Variants in UGT2B7 observed in about 807,000 individuals in gnomAD.
UGT2B7 encodes UDP-glucuronosyltransferase 2B7.
Under a neutral mutation model 51.9 loss-of-function variants are expected in UGT2B7, and 51 were observed. The observed-to-expected ratio is 0.98, with a 90% CI of 0.78 to 1.24. UGT2B7 has a LOEUF of 1.24. UGT2B7 is among the 50% of genes most tolerant of loss of function. The probability of loss-of-function intolerance (pLI) is 0.00; values close to 1 mark genes in which losing one functional copy is unlikely to be tolerated. For synonymous variants in UGT2B7, 225 were observed against 211.6 expected (o/e 1.06, Z -0.55); for missense variants, 727 against 628.4 (o/e 1.16, Z -1.68).
chr4:69,108,122 T>C lies in UGT2B7; in HGVS notation c.1110T>C (p.Ala370=). The change falls in exon 5 of 6, where the codon GCT becomes GCC. Residue 370 remains alanine, a synonymous_variant. Coordinates refer to ENST00000305231, the MANE Select transcript of UGT2B7 (RefSeq NM_001074.4). The stretch of plus-strand genomic sequence containing the variant: ...TCCTAGGTCATCCAAAGACCAGAGC[T>C]TTTATAACTCATGGTGGAGCCAATG... ...NDLLGHPKTR[A]FITHGGANGI... 3.7e-6 allele frequency: 6 copies of C among 1,613,572 alleles called. No homozygotes were observed. Among genetic ancestry groups the C allele is most frequent in the Non-Finnish European group, 4.2e-6 (5 of 1,179,596 alleles).
At position 69,112,784 on chromosome 4, in the gene UGT2B7, C is replaced by T; in HGVS notation, c.*48C>T. 2 of 1,553,908 alleles carry T rather than the reference C, an allele frequency of 1.3e-6. No homozygotes were observed. Among genetic ancestry groups the T allele is most frequent in the Non-Finnish European group, 1.7e-6 (2 of 1,152,188 alleles). On this transcript the variant is annotated 3_prime_UTR_variant, in exon 6 of 6. Coordinates refer to ENST00000305231, the MANE Select transcript of UGT2B7 (RefSeq NM_001074.4). ...GAAAACCTGATAGGTGAGACTACTT[C>T]AGTTTATTCCAGCAAGAAAGATTGT...
chr4:69,074,050 A>G (rs542954999), intron 1 of UGT2B7, among the ~76,000 whole-genome samples: 1 of 152,254 alleles, frequency 6.6e-6, no homozygotes, highest in East Asian at 1.9e-4. Context: ...TACTTATTTA[A>G]AAATCTCATT....
chr4:69,073,715 T>C (rs4412058), intron 1 of UGT2B7, among the ~76,000 whole-genome samples: 65,147 of 150,244 alleles, frequency 0.43, 15,521 homozygotes, highest in African/African-American at 0.64. Flanking sequence ...GTAGCTAAGA[T>C]CAAGAAAACA....
Position 69,112,466 on chromosome 4 carries a change from G to A in UGT2B7, c.1320G>A (p.Glu440=). Residue 440 remains glutamate (E), a synonymous_variant, in exon 6 of 6, where the codon GAG becomes GAA. Coordinates refer to ENST00000305231, the MANE Select transcript of UGT2B7 (RefSeq NM_001074.4). The stretch of plus-strand genomic sequence containing the variant: ...TATTTTTATCTTTCAGATATAAAGA[G>A]AATGTTATGAAATTATCAAGAATTC... ...KRVINDPSYK[E]NVMKLSRIQH... 1 of 1,613,416 alleles carries A rather than the reference G, an allele frequency of 6.2e-7. No homozygotes were observed. Among genetic ancestry groups the A allele is most frequent in the Middle Eastern group, 1.7e-4 (1 of 6,046 alleles).
At chr4:69,090,672 T>C (rs751219152) in intron 2 of UGT2B7, among the ~76,000 whole-genome samples, 3 of 152,130 alleles carry the variant, frequency 2.0e-5, no homozygotes, top group Non-Finnish European at 4.4e-5. Flanking sequence ...ATTGTGGTAG[T>C]TATACTTCAA....
At chr4:69,080,348 G>T (rs1718807699) in intron 1 of UGT2B7, among the ~76,000 whole-genome samples, 1 of 152,072 alleles carries the variant, frequency 6.6e-6, no homozygotes, top group Non-Finnish European at 1.5e-5. Flanking sequence ...AGGAGTTTGA[G>T]ACCAGACTGG....
intron 1 of UGT2B7, among the ~76,000 whole-genome samples, chr4:69,057,698 G>A (rs887200966): frequency 6.6e-6 from 1 of 152,178 alleles, no homozygotes; most frequent in Non-Finnish European, 1.5e-5. Context: ...AAAGGTGAAT[G>A]TGCTGTGTTG....
intron 1 of UGT2B7, among the ~76,000 whole-genome samples, chr4:69,084,818 T>C (rs960928240): frequency 2.0e-5 from 3 of 152,196 alleles, no homozygotes; most frequent in Non-Finnish European, 4.4e-5. Flanking sequence ...TATAAATGCA[T>C]AGTATTTCAT....
chr4:69,106,735 T>C (rs990694678), intron 3 of UGT2B7, among the ~76,000 whole-genome samples: 3 of 152,140 alleles, frequency 2.0e-5, no homozygotes, highest in African/African-American at 7.2e-5. Context: ...GCAAGCCTTT[T>C]CTATACTACC....
chr4:69,097,982 A>G (rs1378649053), intron 1 of UGT2B7, among the ~76,000 whole-genome samples: 1 of 152,008 alleles, frequency 6.6e-6, no homozygotes, highest in South Asian at 2.1e-4. Flanking sequence ...GTACAAATAT[A>G]TTTACTTAAA....
chr4:69,057,068 A>C (rs1718220621), intron 1 of UGT2B7, among the ~76,000 whole-genome samples: 1 of 152,240 alleles, frequency 6.6e-6, no homozygotes, highest in Non-Finnish European at 1.5e-5. Flanking sequence ...GACATTGTAT[A>C]GAAGAACATG....
In UGT2B7 at chr4:69,102,948, A is replaced by C; in HGVS notation, c.1002+10A>C. On this transcript the variant is annotated intron_variant, in intron 3 of 5. Transcript: ENST00000305231. ...CCAGATCCCACAAAAGGTAAGATGA[A>C]GTGCCTTACTGGTGTGGAAAACTAC... The C allele has an allele frequency of 6.2e-7, 1 of 1,611,486 alleles. No homozygotes were observed. The highest frequency in any genetic ancestry group is 8.5e-7 in the Non-Finnish European group (1 of 1,178,854).
intron 1 of UGT2B7, among the ~76,000 whole-genome samples, chr4:69,055,664 T>C (rs768923208): frequency 2.8e-4 from 43 of 152,348 alleles, no homozygotes; most frequent in African/African-American, 9.1e-4. Context: ...CTTCACGTTA[T>C]GTTTGTGGAA....
upstream of UGT2B7, among the ~76,000 whole-genome samples, chr4:69,092,627 A>G (rs1719109809): frequency 6.6e-6 from 1 of 152,126 alleles, no homozygotes; most frequent in African/African-American, 2.4e-5. Context: ...TATGAAAAAT[A>G]TAAGTTTTCT....
In UGT2B7 at chr4:69,107,239, G is replaced by A. The variant is rs371615313; in HGVS notation, c.1067G>A (p.Trp356Ter). The change falls in exon 4 of 6, where the codon TGG (tryptophan) becomes TAG (stop). Residue 356 changes from tryptophan (W) to a stop codon, truncating the protein, a stop_gained. Transcript: ENST00000305231. LOFTEE classifies it high-confidence loss of function. The part of the protein sequence containing the change: ...TLGLNTRLYK[W>*]IPQNDLLGHP... ...GGTCTCAATACTCGGCTCTACAAGT[G>A]GATACCCCAGAATGACCTTCTAGGT... The A allele has an allele frequency of 5.0e-6, 8 of 1,609,070 alleles. No individual in the cohort carries two copies. Among genetic ancestry groups the A allele is most frequent in the Non-Finnish European group, 6.8e-6 (8 of 1,176,818 alleles).
In UGT2B7 at chr4:69,112,848, A is replaced by G; in HGVS notation, c.*112A>G. 6 of 1,372,882 alleles carry G rather than the reference A, an allele frequency of 4.4e-6. No individual in the cohort carries two copies. Among genetic ancestry groups the G allele is most frequent in the South Asian group, 1.7e-5 (1 of 59,550 alleles). 85.0% of individuals were successfully genotyped at this position (1,372,882 alleles called of 1,614,324 possible). A position where few individuals can be genotyped will look rare whatever the true frequency, so the allele number is the denominator to read the frequency against. On this transcript the variant is annotated 3_prime_UTR_variant, in exon 6 of 6. Coordinates refer to ENST00000305231, the MANE Select transcript of UGT2B7 (RefSeq NM_001074.4). Reference sequence around the variant, plus strand: ...TTTCTTCCTGAGACAAAAAAAAAAAAAGAAAAAAAAATCTTTTCAAAATTT... The same window carrying G: ...TTTCTTCCTGAGACAAAAAAAAAAAGAGAAAAAAAAATCTTTTCAAAATTT...
intron 1 of UGT2B7, among the ~76,000 whole-genome samples, chr4:69,069,096 A>T (rs1320766030): frequency 1.4e-5 from 2 of 142,912 alleles, no homozygotes; most frequent in Admixed American, 6.8e-5. Flanking sequence ...CTTGGAACAG[A>T]TACTTTAAAA....
At chr4:69,093,064 C>T (rs1719119816), upstream of UGT2B7, among the ~76,000 whole-genome samples, 1 of 152,072 alleles carries the variant, frequency 6.6e-6, no homozygotes, top group Non-Finnish European at 1.5e-5. Context: ...TGCTAAGTCA[C>T]CCAAACAGCA....
intron 2 of UGT2B7, among the ~76,000 whole-genome samples, chr4:69,091,130 G>C (rs1284178934): frequency 6.6e-6 from 1 of 152,034 alleles, no homozygotes; most frequent in South Asian, 2.1e-4. Flanking sequence ...GCCTAATTAA[G>C]TTTTTCTAAT....
Sources: gnomAD v4.1 joint callset for allele counts (sites outside exome capture counted in the v4.1 genomes callset) on GRCh38, gnomAD v4.1.1 for gene constraint, MANE v1.5 for transcripts, NCBI Gene and HGNC (gene_info 2026-07-23, HGNC 2026-07-21) for gene names.